Variants in ITPR1 observed in about 807,000 individuals in gnomAD.
ITPR1 encodes the protein inositol 1,4,5-trisphosphate-gated calcium channel ITPR1.
Under a neutral mutation model 318.4 loss-of-function variants are expected in ITPR1, and 96 were observed. That is an observed-to-expected ratio of 0.30 (90% CI 0.26 to 0.36). The LOEUF (loss-of-function observed/expected upper bound fraction) is 0.36, where lower values mean the gene tolerates loss of function less well. Among genes scored for constraint, ITPR1 ranks in the 10% least tolerant of loss-of-function variants. The pLI is 1.00. For synonymous variants in ITPR1, 1,312 were observed against 1,289.9 expected (o/e 1.02, Z -0.37); for missense variants, 2,440 against 3,460.2 (o/e 0.71, Z 7.40).
At chr3:4,650,235 C>T (rs557986229) in intron 10 of ITPR1, among the ~76,000 whole-genome samples, 1 of 152,140 alleles carries the variant, frequency 6.6e-6, no homozygotes, top group Non-Finnish European at 1.5e-5. Context: ...TCTCAAGGTT[C>T]TTGGGAGCAG....
chr3:4,766,574 A>G lies in ITPR1; in HGVS notation c.5589A>G (p.Lys1863=), dbSNP rs1245438876. 1 of 1,613,830 alleles carries G rather than the reference A, an allele frequency of 6.2e-7. No homozygotes were observed. The change falls in exon 45 of 62, where the codon AAA becomes AAG. Residue 1863 remains lysine (K), a synonymous_variant. Transcript: ENST00000649015. ...CRLTEDKKSE[K]FFKVFYDRMK... The stretch of plus-strand genomic sequence containing the variant: ...TGACAGAAGATAAGAAGTCAGAGAA[A>G]TTCTTTAAGGTGTTTTATGACCGGA...
rs115441241 is a variant in ITPR1 at position 4,677,977 on chromosome 3, A to G, written c.2967+1176A>G. Among the ~76,000 whole-genome samples the G allele has an allele frequency of 3.7e-3, 561 of 152,200 alleles. 2 individuals are homozygous for G. The highest frequency in any genetic ancestry group is 0.013 in the African/African-American group (537 of 41,502). On this transcript the variant is annotated intron_variant, in intron 24 of 61. Transcript: ENST00000649015. The stretch of plus-strand genomic sequence containing the variant: ...TTTCTGTGCCGTGTAGGTAACTTTT[A>G]TTCATCAACAAAATCATCTGCTCCT...
chr3:4,520,965 T>C, intron 3 of ITPR1, 59 bp from the exon 4 acceptor site: 1 of 1,273,356 alleles, frequency 7.9e-7, no homozygotes, highest in Non-Finnish European at 1.1e-6. Context: ...GATTTTTGCA[T>C]AGTGCTAAGA....
intron 60 of ITPR1, among the ~76,000 whole-genome samples, chr3:4,820,280 T>C (rs2049609888): frequency 1.3e-5 from 2 of 152,248 alleles, no homozygotes; most frequent in Non-Finnish European, 2.9e-5. Context: ...AGAGGAGGCC[T>C]GTACTGTTCA....
At chr3:4,593,281 A>T (rs1316220882) in intron 4 of ITPR1, among the ~76,000 whole-genome samples, 2 of 152,224 alleles carry the variant, frequency 1.3e-5, no homozygotes, top group African/African-American at 4.8e-5. Flanking sequence ...GTGAACTTAG[A>T]CATGCCATTT....
intron 44 of ITPR1, among the ~76,000 whole-genome samples, chr3:4,756,967 C>G (rs1227408046): frequency 2.0e-5 from 3 of 152,262 alleles, no homozygotes; most frequent in Non-Finnish European, 2.9e-5. Context: ...CCTACTGTTT[C>G]ATAACAACCT....
At chr3:4,587,095 C>T (rs1182553723) in intron 4 of ITPR1, among the ~76,000 whole-genome samples, 1 of 152,118 alleles carries the variant, frequency 6.6e-6, no homozygotes, top group Non-Finnish European at 1.5e-5. Context: ...GAGATTTCGA[C>T]GACCGGCTTG....
chr3:4,547,033 T>G (rs922716345), intron 4 of ITPR1, among the ~76,000 whole-genome samples: 2 of 152,186 alleles, frequency 1.3e-5, no homozygotes, highest in African/African-American at 4.8e-5. Flanking sequence ...CCTTTGCTGC[T>G]TCATCTGTGG....
intron 5 of ITPR1, among the ~76,000 whole-genome samples, chr3:4,637,291 G>A (rs909577521): frequency 7.9e-5 from 12 of 152,172 alleles, no homozygotes; most frequent in African/African-American, 2.2e-4. Flanking sequence ...ATGGCTCTCC[G>A]CAAAGAATAA....
intron 4 of ITPR1, among the ~76,000 whole-genome samples, chr3:4,617,988 C>CA (rs71053433): frequency 0.28 from 37,277 of 131,540 alleles, 5,441 homozygotes; most frequent in Middle Eastern, 0.42. Context: ...GTGCGTATCT[C>CA]AAAAAAAAAA....
At chr3:4,704,184 G>A (rs889286912) in intron 36 of ITPR1, among the ~76,000 whole-genome samples, 5 of 152,148 alleles carry the variant, frequency 3.3e-5, no homozygotes, top group Admixed American at 6.5e-5. Context: ...AGGCTGAGAC[G>A]GGCAGATCAC....
At chr3:4,729,202 G>T (rs957016025) in intron 42 of ITPR1, among the ~76,000 whole-genome samples, 1 of 152,124 alleles carries the variant, frequency 6.6e-6, no homozygotes, top group East Asian at 1.9e-4. Flanking sequence ...GATACTAGCT[G>T]TGTGATTTTG....
At chr3:4,844,119 C>G (rs1192228060) in intron 61 of ITPR1, among the ~76,000 whole-genome samples, 1 of 95,648 alleles carries the variant, frequency 1.0e-5, no homozygotes, top group African/African-American at 4.2e-5. Flanking sequence ...TTGAGCAGAC[C>G]AAGATTTTTT....
intron 60 of ITPR1, among the ~76,000 whole-genome samples, chr3:4,834,002 C>T (rs114305493): frequency 0.023 from 3,508 of 152,328 alleles, 58 homozygotes; most frequent in Non-Finnish European, 0.032. Context: ...AACGATCCTC[C>T]TGCCCCAGCT....
At chr3:4,681,624 A>T (rs200873020) in intron 26 of ITPR1, among the ~76,000 whole-genome samples, 3 of 145,788 alleles carry the variant, frequency 2.1e-5, no homozygotes, top group Non-Finnish European at 3.0e-5. Context: ...AGAGAGAGAA[A>T]GTGTGTGTGT....
intron 60 of ITPR1, among the ~76,000 whole-genome samples, chr3:4,822,014 C>T (rs960225043): frequency 6.6e-6 from 1 of 152,266 alleles, no homozygotes; most frequent in Non-Finnish European, 1.5e-5. Flanking sequence ...GAAGTCCTCA[C>T]TACCCAAGAA....
chr3:4,551,816 G>A (rs2085595255), intron 4 of ITPR1, among the ~76,000 whole-genome samples: 1 of 152,218 alleles, frequency 6.6e-6, no homozygotes, highest in Non-Finnish European at 1.5e-5. Context: ...AAGTCAACAA[G>A]CAATAGCTGC....
rs1024309802 is a variant in ITPR1 at position 4,831,228 on chromosome 3, T to C, written c.8029-5546T>C. On this transcript the variant is annotated intron_variant, in intron 60 of 61. Transcript: ENST00000649015. ...AAGAGGTTGGTCAGTACCACCCCCA[T>C]ATCTAAAACTTCAGTGTTTGCCTTC... 1.3e-5 allele frequency: 4 copies of C among 297,012 alleles called. No individual in the cohort carries two copies. In the Admixed American group the frequency reaches 1.6e-4, roughly 12 times the overall value. The allele number at this position is 297,012 out of a possible 1,614,324, so 18.4% of individuals were successfully genotyped here.
chr3:4,651,249 C>T (rs1386355702), intron 10 of ITPR1, among the ~76,000 whole-genome samples: 1 of 152,188 alleles, frequency 6.6e-6, no homozygotes, highest in Non-Finnish European at 1.5e-5. Flanking sequence ...GTCTGATGTT[C>T]AGCCCAAAAC....
Sources: gnomAD v4.1 joint callset for allele counts (sites outside exome capture counted in the v4.1 genomes callset) on GRCh38, gnomAD v4.1.1 for gene constraint, MANE v1.5 for transcripts, NCBI Gene and HGNC (gene_info 2026-07-23, HGNC 2026-07-21) for gene names.